DST: variants seen among roughly 807,000 people sequenced by gnomAD.
The protein encoded by DST is bullous pemphigoid antigen.
A neutral mutation model predicts 875.2 loss-of-function variants in DST; 253 were observed. That is an observed-to-expected ratio of 0.29 (90% CI 0.26 to 0.32). DST has a LOEUF of 0.32. DST is among the 10% of genes least tolerant of loss of function. DST has a pLI of 1.00. For synonymous variants in DST, 3,124 were observed against 3,197.1 expected, an observed-to-expected ratio of 0.98 and a Z score of 0.77; for missense variants, 8,287 against 9,111.6, an observed-to-expected ratio of 0.91 and a Z score of 3.68.
intron 4 of DST, among the ~76,000 whole-genome samples, chr6:56,789,977 G>A (rs2099714304): frequency 6.6e-6 from 1 of 152,136 alleles, no homozygotes; most frequent in South Asian, 2.1e-4. Context: ...TGATATTTCA[G>A]ACTCCAGTCT....
chr6:56,772,890 C>T (rs367723546), intron 4 of DST, among the ~76,000 whole-genome samples: 16 of 152,216 alleles, frequency 1.1e-4, no homozygotes, highest in African/African-American at 3.6e-4. Flanking sequence ...AAAAATGGTA[C>T]GTTACTTCCA....
chr6:56,632,699 T>C (rs1231236860), intron 28 of DST, among the ~76,000 whole-genome samples, 155 bp downstream of exon 28: 1 of 152,216 alleles, frequency 6.6e-6, no homozygotes, highest in Non-Finnish European at 1.5e-5. Flanking sequence ...TGAGTCTTCC[T>C]ACCTCAAACA....
Position 56,631,884 on chromosome 6 carries a change from T to A in DST, c.3962A>T (p.Glu1321Val). The change falls in exon 29 of 104, where the codon GAG becomes GTG. Residue 1321 changes from glutamate to valine, a missense_variant and splice_region_variant. Around this residue, in one of 10 missense-constraint regions of DST, gnomAD observed 3,138 missense variants for 3,116.6 expected, o/e 1.01. Transcript: ENST00000680361. ...TCCCAACATATTTATAGCTCTCACC[T>A]CCTGTTCTGTGATTCTGAACACACT... is the stretch of plus-strand genomic sequence containing the variant. ...HESVFRITEQEKLKKELERLK... is the reference protein window; with the variant it reads ...HESVFRITEQVKLKKELERLK... 6.2e-7 allele frequency: 1 copy of A among 1,613,798 alleles called. No homozygotes were observed. Among genetic ancestry groups the A allele is most frequent in the Non-Finnish European group, 8.5e-7 (1 of 1,179,764 alleles).
At chr6:56,760,810 A>G (rs1169825640) in intron 4 of DST, among the ~76,000 whole-genome samples, 1 of 152,234 alleles carries the variant, frequency 6.6e-6, no homozygotes, top group Non-Finnish European at 1.5e-5. Flanking sequence ...CAATAACAAC[A>G]TAAAGTGGAT....
At chr6:56,777,516 C>A (rs915812266) in intron 4 of DST, among the ~76,000 whole-genome samples, 2 of 151,966 alleles carry the variant, frequency 1.3e-5, no homozygotes, top group African/African-American at 4.8e-5. Flanking sequence ...CAGGCTAAAT[C>A]ACAGATAGCT....
chr6:56,553,711 A>G, intron 60 of DST, 56 bp from the exon 61 acceptor site: 1 of 1,480,422 alleles, frequency 6.8e-7, no homozygotes, highest in South Asian at 1.2e-5. Context: ...AATTTAATCT[A>G]TGAAAAGCCA....
intron 4 of DST, among the ~76,000 whole-genome samples, chr6:56,782,781 G>A (rs1180358266): frequency 6.6e-6 from 1 of 152,062 alleles, no homozygotes; most frequent in Non-Finnish European, 1.5e-5. Context: ...GAATGTGTTT[G>A]CTCTTGCTTC....
At chr6:56,741,218 A>G (rs1265554011) in intron 4 of DST, among the ~76,000 whole-genome samples, 17 of 152,224 alleles carry the variant, frequency 1.1e-4, no homozygotes, top group Admixed American at 1.0e-3. Context: ...CTTTTGATCA[A>G]TGAGGTTTTG....
rs1316627113 is a variant in DST at position 56,572,328 on chromosome 6, T to C, written c.13555-62A>G. ...TGCTAGATCTTCAAATGGCATTCCA[T>C]CCAGAGGTCTGTGCGGGATCAGAAT... On this transcript the variant is annotated intron_variant, in intron 52 of 103. Coordinates refer to ENST00000680361, the MANE Select transcript of DST (RefSeq NM_001374736.1). 3 of 1,216,200 alleles carry C rather than the reference T, an allele frequency of 2.5e-6. No individual in the cohort carries two copies. The African/African-American group carries it at 4.6e-5, about 19-fold the overall frequency. 75.3% of individuals were successfully genotyped at this position (1,216,200 alleles called of 1,614,324 possible).
intron 98 of DST, chr6:56,466,744 T>C (rs2094592744): frequency 6.6e-6 from 1 of 152,246 alleles, no homozygotes; most frequent in Non-Finnish European, 1.5e-5. Context: ...ATGACTCATA[T>C]AAATTTCACA....
rs770172520 is a variant in DST, at chr6:56,607,803, T to G, written c.6825A>C (p.Thr2275=). The part of the protein sequence containing the change: ...SGREKDECTA[T]PSSFNKCHCG... Reference sequence around the variant, plus strand: ...AGTGACATTTATTGAAACTACTTGGTGTAGCTGTACATTCATCCTTTTCTC... The same window carrying G: ...AGTGACATTTATTGAAACTACTTGGGGTAGCTGTACATTCATCCTTTTCTC... The change falls in exon 40 of 104, where the codon ACA becomes ACC. Residue 2275 remains threonine, a synonymous_variant. Transcript: ENST00000680361. 1 of 1,613,452 alleles carries G rather than the reference T, an allele frequency of 6.2e-7. No homozygotes were observed. The highest frequency in any genetic ancestry group is 8.5e-7 in the Non-Finnish European group (1 of 1,179,684).
rs145412096 is a variant in DST at position 56,641,115 on chromosome 6, C to CAGAGAGAGAGAGAG, written c.2028-524_2028-511dup. On this transcript the variant is annotated intron_variant, in intron 17 of 103. Coordinates refer to ENST00000680361, the MANE Select transcript of DST (RefSeq NM_001374736.1). ...ATTTTTGCATTTACATATTTATGCA[C>CAGAGAGAGAGAGAG]AGAGAGAGAGAGAGAGAGAGAGAGA... Among the ~76,000 whole-genome samples, 275 of 142,608 alleles carry CAGAGAGAGAGAGAG rather than the reference C, an allele frequency of 1.9e-3. 2 individuals are homozygous for CAGAGAGAGAGAGAG. Among genetic ancestry groups the CAGAGAGAGAGAGAG allele is most frequent in the African/African-American group, 6.8e-3 (261 of 38,574 alleles). The allele number at this position is 142,608 out of a possible 152,430, so 93.6% of individuals were successfully genotyped here.
At chr6:56,909,001 C>T (rs1797722967) in intron 2 of DST, among the ~76,000 whole-genome samples, 1 of 151,860 alleles carries the variant, frequency 6.6e-6, no homozygotes, top group Non-Finnish European at 1.5e-5. Flanking sequence ...AATAGCCATT[C>T]TTCTATTCCT....
At chr6:56,803,994 T>C (rs2099750304) in intron 4 of DST, among the ~76,000 whole-genome samples, 2 of 152,188 alleles carry the variant, frequency 1.3e-5, no homozygotes, top group African/African-American at 4.8e-5. Context: ...AAGTCCTCAA[T>C]ACCAAACATA....
chr6:56,490,660 AT>A (rs1396554626), intron 85 of DST, among the ~76,000 whole-genome samples: 11 of 152,318 alleles, frequency 7.2e-5, no homozygotes, highest in African/African-American at 2.6e-4. Context: ...TCAGAGAAGT[AT>A]GATCAATATC....
intron 4 of DST, among the ~76,000 whole-genome samples, chr6:56,792,076 A>G (rs2099725888): frequency 6.6e-6 from 1 of 152,194 alleles, no homozygotes; most frequent in African/African-American, 2.4e-5. Context: ...CACAGAAGCC[A>G]ACTTCAAAAG....
intron 3 of DST, among the ~76,000 whole-genome samples, chr6:56,897,786 G>A (rs960556319): frequency 3.3e-5 from 5 of 152,072 alleles, no homozygotes; most frequent in African/African-American, 1.2e-4. Context: ...GGGTCAACAG[G>A]AGATACCACT....
At position 56,869,459 on chromosome 6, in the gene DST, G is replaced by C. The variant is rs185833527; in HGVS notation, c.418-17855C>G. ...GGGGACAGAAGACAAAGCCAAAGGA[G>C]TCTCAGTGAAAAACACAAAAATAGA... On this transcript the variant is annotated intron_variant, in intron 3 of 103. Coordinates refer to ENST00000680361, the MANE Select transcript of DST (RefSeq NM_001374736.1). Among the ~76,000 whole-genome samples the C allele has an allele frequency of 1.2e-3, 177 of 152,178 alleles. 1 individual carries two copies. Among genetic ancestry groups the C allele is most frequent in the African/African-American group, 4.0e-3 (165 of 41,512 alleles).
At chr6:56,761,186 G>C (rs2099616368) in intron 4 of DST, among the ~76,000 whole-genome samples, 2 of 152,222 alleles carry the variant, frequency 1.3e-5, no homozygotes, top group Admixed American at 6.5e-5. Context: ...AGCCATCTTG[G>C]AAGCAGATCT....
Sources: gnomAD v4.1 joint callset for allele counts (sites outside exome capture counted in the v4.1 genomes callset) on GRCh38, gnomAD v4.1.1 for gene constraint, gnomAD v4.1.1 regional missense constraint, MANE v1.5 for transcripts, NCBI Gene and HGNC (gene_info 2026-07-23, HGNC 2026-07-21) for gene names.